GRK5: variants seen among roughly 807,000 people sequenced by gnomAD.
GRK5 encodes G protein-coupled receptor kinase 5.
Under a neutral mutation model 78.4 loss-of-function variants are expected in GRK5, and 40 were observed. The ratio of observed to expected loss-of-function variants is 0.51; its 90% confidence interval spans 0.40 to 0.66. The LOEUF is 0.66. Among genes scored for constraint, GRK5 ranks in the 30% least tolerant of loss-of-function variants. GRK5 has a pLI of 0.00. For missense variants in GRK5, 598 were observed against 759.9 expected (o/e 0.79, Z 2.50); for synonymous variants, 289 against 296.8 (o/e 0.97, Z 0.27).
At chr10:119,404,034 A>C (rs145664023) in intron 4 of GRK5, among the ~76,000 whole-genome samples, 2 of 152,076 alleles carry the variant, frequency 1.3e-5, no homozygotes, top group African/African-American at 4.8e-5. Context: ...ATTGGGGTAT[A>C]TACATAGGAG....
rs541542831 is a variant in GRK5, at chr10:119,398,304, A to T, written c.339+1532A>T. Among the ~76,000 whole-genome samples the T allele has an allele frequency of 2.6e-5, 4 of 152,324 alleles. No homozygotes were observed. The East Asian group carries it at 7.7e-4, about 29-fold the overall frequency. ...GGGCATAAACACATGCCCTGAGCTT[A>T]AAGGGGTGCATGCACCCTAGAGGGC... is the stretch of plus-strand genomic sequence containing the variant. On this transcript the variant is annotated intron_variant, in intron 4 of 15. Transcript: ENST00000392870.
At chr10:119,239,423 G>C (rs534789996) in intron 1 of GRK5, among the ~76,000 whole-genome samples, 1 of 152,168 alleles carries the variant, frequency 6.6e-6, no homozygotes, top group South Asian at 2.1e-4. Context: ...TTTTAGTAGA[G>C]ATGGGGTTTT....
At chr10:119,250,121 G>T (rs775114397) in intron 1 of GRK5, among the ~76,000 whole-genome samples, 1 of 152,196 alleles carries the variant, frequency 6.6e-6, no homozygotes, top group African/African-American at 2.4e-5. Context: ...CCTGTGGGGT[G>T]AATCTCCCTG....
chr10:119,340,427 C>T (rs971595351), intron 2 of GRK5, among the ~76,000 whole-genome samples: 1 of 152,156 alleles, frequency 6.6e-6, no homozygotes, highest in Non-Finnish European at 1.5e-5. Flanking sequence ...CATGCCCAGC[C>T]CCAAAACTTA....
intron 1 of GRK5, among the ~76,000 whole-genome samples, chr10:119,315,036 C>T (rs1850460703): frequency 6.6e-6 from 1 of 152,236 alleles, no homozygotes; most frequent in African/African-American, 2.4e-5. Flanking sequence ...CATCGTCTGT[C>T]TCACTTATGG....
intron 1 of GRK5, among the ~76,000 whole-genome samples, chr10:119,304,838 C>T (rs1020988860): frequency 6.6e-5 from 10 of 152,246 alleles, no homozygotes; most frequent in Admixed American, 2.0e-4. Flanking sequence ...ACCAGCAGGG[C>T]ATTTGCAGAA....
chr10:119,410,775 C>A (rs903321230), intron 4 of GRK5, among the ~76,000 whole-genome samples: 1 of 151,808 alleles, frequency 6.6e-6, no homozygotes, highest in Non-Finnish European at 1.5e-5. Flanking sequence ...ATGGCATGAG[C>A]TGGAGGATAG....
rs1412782839 is a variant in GRK5, at chr10:119,264,384, GT to G, written c.52+56418del. 6.6e-6 allele frequency among the ~76,000 whole-genome samples: 1 copy of G among 152,190 alleles called. No homozygotes were observed. Among genetic ancestry groups the G allele is most frequent in the Non-Finnish European group, 1.5e-5 (1 of 68,028 alleles). ...TGGGGCTCAAGTCCTACCATCTGGT[GT>G]TTGTCCTTCTCTGTTTCCTGCCTCC... On this transcript the variant is annotated intron_variant, in intron 1 of 15. Transcript: ENST00000392870. The surrounding 1 kb of genome is among the most constrained non-coding windows in gnomAD (Gnocchi z 4.1).
chr10:119,257,322 A>G (rs1849304748), intron 1 of GRK5, among the ~76,000 whole-genome samples: 1 of 152,380 alleles, frequency 6.6e-6, no homozygotes, highest in South Asian at 2.1e-4. Context: ...GAAATGGAAA[A>G]GAGAACATTC....
chr10:119,390,946 A>C (rs1339793338), intron 3 of GRK5, among the ~76,000 whole-genome samples: 1 of 152,014 alleles, frequency 6.6e-6, no homozygotes, highest in Non-Finnish European at 1.5e-5. Flanking sequence ...CCTCCCTCTG[A>C]GAGAGGCGAG....
At position 119,380,860 on chromosome 10, in the gene GRK5, T is replaced by A; in HGVS notation, c.194T>A (p.Leu65Gln). The change falls in exon 3 of 16, where the codon CTG becomes CAG. Residue 65 changes from leucine to glutamine, a missense_variant. Transcript: ENST00000392870. ...TGTGACAAGCAGCCAATCGGGAGGC[T>A]GCTTTTCCGGCAGTTTTGTGAAACC... ...SLCDKQPIGR[L>Q]LFRQFCETRP... 1 of 1,613,622 alleles carries A rather than the reference T, an allele frequency of 6.2e-7. No homozygotes were observed. The highest frequency in any genetic ancestry group is 2.2e-5 in the East Asian group (1 of 44,866).
At chr10:119,290,622 G>C (rs781394651) in intron 1 of GRK5, among the ~76,000 whole-genome samples, 2 of 151,762 alleles carry the variant, frequency 1.3e-5, no homozygotes, top group African/African-American at 2.4e-5. Context: ...CATTCCCAAG[G>C]ACTCACACAG....
intron 1 of GRK5, among the ~76,000 whole-genome samples, chr10:119,231,161 C>T (rs1477686383): frequency 6.6e-6 from 1 of 152,056 alleles, no homozygotes; most frequent in Non-Finnish European, 1.5e-5. Flanking sequence ...GAAACATTTG[C>T]AAACTGTTCA....
intron 2 of GRK5, among the ~76,000 whole-genome samples, chr10:119,369,174 T>G (rs1851502784): frequency 6.6e-6 from 1 of 152,162 alleles, no homozygotes; most frequent in Non-Finnish European, 1.5e-5. Context: ...TTTGATGCAG[T>G]CGGTCTGGGT....
rs1227684325 is a variant in GRK5, at chr10:119,253,706, CTGAGAG to C, written c.52+45741_52+45746del. 6.6e-6 allele frequency among the ~76,000 whole-genome samples: 1 copy of C among 152,140 alleles called. No homozygotes were observed. Among genetic ancestry groups the C allele is most frequent in the African/African-American group, 2.4e-5 (1 of 41,442 alleles). On this transcript the variant is annotated intron_variant, in intron 1 of 15. Transcript: ENST00000392870. The surrounding 1 kb of genome is among the most constrained non-coding windows in gnomAD (Gnocchi z 5.7). ...CCCAGCTCCGGGGTGGATGCAAGGCCTGAGAGTGAACTTTGTTGTGAATGATGACAC... is the reference window on the plus strand; with the variant it reads ...CCCAGCTCCGGGGTGGATGCAAGGCCTGAACTTTGTTGTGAATGATGACAC...
chr10:119,324,460 C>G (rs1033100947), intron 1 of GRK5, among the ~76,000 whole-genome samples: 13 of 152,314 alleles, frequency 8.5e-5, no homozygotes, highest in African/African-American at 3.1e-4. Context: ...AACCCTGTCT[C>G]TACTGAAAAT....
At chr10:119,370,575 T>C (rs1161093972) in intron 2 of GRK5, among the ~76,000 whole-genome samples, 1 of 152,216 alleles carries the variant, frequency 6.6e-6, no homozygotes, top group East Asian at 1.9e-4. Context: ...TTTCCTCTCC[T>C]GCGCCTTCCA....
chr10:119,448,401 C>T (rs1013939227), intron 13 of GRK5, 141 bp downstream of exon 13: 34 of 940,000 alleles, frequency 3.6e-5, no homozygotes, highest in Non-Finnish European at 5.1e-5. Flanking sequence ...CCCGGCCACT[C>T]CTCACCTAAG....
chr10:119,321,578 C>T (rs1564890287), intron 1 of GRK5, among the ~76,000 whole-genome samples: 1 of 152,170 alleles, frequency 6.6e-6, no homozygotes, highest in East Asian at 1.9e-4. Flanking sequence ...ATTTTAGGAC[C>T]CTGTTGGTGA....
Sources: allele counts gnomAD v4.1 joint callset (sites outside exome capture counted in the v4.1 genomes callset), GRCh38; gene constraint gnomAD v4.1.1; non-coding constraint Gnocchi (gnomAD v3.1); transcripts MANE v1.5; gene names NCBI Gene and HGNC (gene_info 2026-07-23, HGNC 2026-07-21).